SLC38A1: variants seen among roughly 807,000 people sequenced by gnomAD.
SLC38A1 encodes the protein solute carrier family 38 member 1.
In SLC38A1, 18 loss-of-function variants were observed where a neutral mutation model predicts 60.3. The ratio of observed to expected loss-of-function variants is 0.30; its 90% CI spans 0.21 to 0.44. The LOEUF is 0.44. Ranked by LOEUF, SLC38A1 falls within the 20% of genes least tolerant of loss-of-function variation. SLC38A1 has a pLI of 1.00. For synonymous variants in SLC38A1, 196 were observed against 212.1 expected (o/e 0.92, Z 0.66); for missense variants, 448 against 587.2 (o/e 0.76, Z 2.45).
rs538108667 is a variant in SLC38A1 at position 46,241,766 on chromosome 12, A to G, written c.-94+1434T>C. ...GGCCCTCTTTGATGAAAGCTGTCCA[A>G]ATGGGCTAGACTGGGTAATTTCTAA... is the stretch of plus-strand genomic sequence containing the variant. On this transcript the variant is annotated intron_variant, in intron 2 of 16. Coordinates refer to ENST00000398637, the MANE Select transcript of SLC38A1 (RefSeq NM_030674.4). 2.6e-5 allele frequency among the ~76,000 whole-genome samples: 4 copies of G among 152,310 alleles called. No individual in the cohort carries two copies. The East Asian group carries it at 7.7e-4, about 29-fold the overall frequency.
Position 46,184,589 on chromosome 12 carries a change from A to T in SLC38A1, c.*4381T>A, listed in dbSNP as rs1462315689. The T allele has an allele frequency of 6.6e-6, 1 of 152,134 alleles. No individual in the cohort carries two copies. The highest frequency in any genetic ancestry group is 1.5e-5 in the Non-Finnish European group (1 of 68,010). 9.4% of individuals were successfully genotyped at this position (152,134 alleles called of 1,614,324 possible). ...GTGCCATAGTCCAACACTGTGCCTC[A>T]CTGAATTGGAACTCAGTATTTCATT... is the stretch of plus-strand genomic sequence containing the variant. On this transcript the variant is annotated 3_prime_UTR_variant, in exon 17 of 17. Coordinates refer to ENST00000398637, the MANE Select transcript of SLC38A1 (RefSeq NM_030674.4).
Position 46,197,847 on chromosome 12 carries a change from G to A in SLC38A1, c.1265-30C>T, listed in dbSNP as rs115280791. On this transcript the variant is annotated intron_variant, in intron 15 of 16. Transcript: ENST00000398637. ...AAAATAAGACAAAAGAGAAAGTTTA[G>A]CATTGCTATTGTGAAAATTTCCCTG... The A allele has an allele frequency of 4.4e-4, 704 of 1,600,276 alleles. 1 individual carries two copies. In the African/African-American group the frequency reaches 8.3e-3, roughly 19 times the overall value.
chr12:46,194,006 T>C (rs1939259518), intron 16 of SLC38A1, among the ~76,000 whole-genome samples: 1 of 152,236 alleles, frequency 6.6e-6, no homozygotes, highest in Non-Finnish European at 1.5e-5. Flanking sequence ...TGCTCGTTAA[T>C]TGATGCAGTT....
chr12:46,247,377 A>T (rs1242385812), intron 1 of SLC38A1, among the ~76,000 whole-genome samples: 1 of 152,226 alleles, frequency 6.6e-6, no homozygotes, highest in Non-Finnish European at 1.5e-5. Flanking sequence ...CACGAGAACT[A>T]TGTGATGTAT....
intron 5 of SLC38A1, among the ~76,000 whole-genome samples, chr12:46,215,848 C>G (rs1940388745): frequency 6.6e-6 from 1 of 152,148 alleles, no homozygotes; most frequent in African/African-American, 2.4e-5. Context: ...CATATAAAAA[C>G]TCCTTGAGCT....
intron 5 of SLC38A1, among the ~76,000 whole-genome samples, chr12:46,223,995 G>A (rs1357140138): frequency 6.6e-6 from 1 of 152,130 alleles, no homozygotes; most frequent in Non-Finnish European, 1.5e-5. Flanking sequence ...TTCAGAAAAT[G>A]TAACAAAATG....
rs1942453358 is a variant in SLC38A1, at chr12:46,268,868, G to C, written c.-551C>G. 1 of 455,494 alleles carries C rather than the reference G, an allele frequency of 2.2e-6. No homozygotes were observed. The highest frequency in any genetic ancestry group is 4.4e-6 in the Non-Finnish European group (1 of 226,284). 28.2% of individuals were successfully genotyped at this position (455,494 alleles called of 1,614,324 possible). A position where few individuals can be genotyped will look rare whatever the true frequency, so the allele number is the denominator to read the frequency against. On this transcript the variant is annotated 5_prime_UTR_variant, in exon 1 of 17. Coordinates refer to ENST00000398637, the MANE Select transcript of SLC38A1 (RefSeq NM_030674.4). The surrounding 1 kb of genome is among the most constrained non-coding windows in gnomAD (Gnocchi z 4.4). ...TGCTCGCCGGCCTCGCACTTACATC[G>C]ACATGCACCGGCGCTGAGGGTCACG...
chr12:46,210,987 T>G (rs761131474), intron 5 of SLC38A1, among the ~76,000 whole-genome samples: 3 of 152,146 alleles, frequency 2.0e-5, no homozygotes, highest in Non-Finnish European at 2.9e-5. Flanking sequence ...ACCCAGTAGT[T>G]CTGAGATACG....
chr12:46,252,422 C>T (rs1941879876), intron 1 of SLC38A1, among the ~76,000 whole-genome samples: 1 of 151,998 alleles, frequency 6.6e-6, no homozygotes, highest in Non-Finnish European at 1.5e-5. Flanking sequence ...ACCAACATGG[C>T]ACATGTATAT....
At chr12:46,252,664 T>A (rs1433369186) in intron 1 of SLC38A1, among the ~76,000 whole-genome samples, 2 of 151,822 alleles carry the variant, frequency 1.3e-5, no homozygotes, top group African/African-American at 4.8e-5. Context: ...TCACCTGTTA[T>A]CTCAGCAAGC....
chr12:46,208,967 G>A (rs1940029568), intron 6 of SLC38A1, 87 bp downstream of exon 6: 3 of 918,510 alleles, frequency 3.3e-6, no homozygotes, highest in Admixed American at 2.1e-5. Context: ...TCAAATTGCT[G>A]TACAGAGAGA....
intron 16 of SLC38A1, among the ~76,000 whole-genome samples, chr12:46,192,431 G>C (rs867367330): frequency 1.3e-5 from 2 of 152,156 alleles, no homozygotes; most frequent in African/African-American, 4.8e-5. Context: ...TTGATAACAG[G>C]ATGAGCTAGC....
intron 3 of SLC38A1, among the ~76,000 whole-genome samples, chr12:46,233,937 C>G (rs1192017633): frequency 6.6e-6 from 1 of 152,194 alleles, no homozygotes; most frequent in Admixed American, 6.5e-5. Flanking sequence ...TCTTAGCTCC[C>G]CCTGCTCCTC....
intron 5 of SLC38A1, among the ~76,000 whole-genome samples, chr12:46,222,620 A>C (rs1037106045): frequency 1.2e-4 from 18 of 152,272 alleles, no homozygotes; most frequent in African/African-American, 3.9e-4. Flanking sequence ...TATTTTATGA[A>C]AGTACCATGG....
intron 3 of SLC38A1, among the ~76,000 whole-genome samples, chr12:46,230,253 A>G (rs1941022398): frequency 1.3e-5 from 2 of 152,236 alleles, no homozygotes; most frequent in Admixed American, 1.3e-4. Flanking sequence ...AGTCACTGGA[A>G]CAGGCACTGG....
chr12:46,246,030 C>T (rs369358993), intron 1 of SLC38A1, among the ~76,000 whole-genome samples: 22 of 152,140 alleles, frequency 1.4e-4, no homozygotes, highest in African/African-American at 3.9e-4. Context: ...ATCTCTGTCA[C>T]GGTCCGTTCA....
intron 1 of SLC38A1, among the ~76,000 whole-genome samples, chr12:46,256,131 A>T (rs536614288): frequency 6.8e-6 from 1 of 146,344 alleles, no homozygotes; most frequent in Non-Finnish European, 1.5e-5. Context: ...ACGCCACTGC[A>T]CTCCAGCCTG....
At chr12:46,230,084 C>A (rs1278751678) in intron 3 of SLC38A1, among the ~76,000 whole-genome samples, 2 of 152,118 alleles carry the variant, frequency 1.3e-5, no homozygotes, top group African/African-American at 4.8e-5. Context: ...AATATCAAGA[C>A]TACTATAAAC....
chr12:46,204,194 G>A (rs1939787491), intron 11 of SLC38A1, 107 bp downstream of exon 11: 1 of 747,780 alleles, frequency 1.3e-6, no homozygotes, highest in African/African-American at 1.7e-5. Flanking sequence ...GGTATCATGT[G>A]TTCTTTTGAG....
Sources: gnomAD v4.1 joint callset for allele counts (sites outside exome capture counted in the v4.1 genomes callset) on GRCh38, gnomAD v4.1.1 for gene constraint, Gnocchi (gnomAD v3.1) non-coding constraint, MANE v1.5 for transcripts, NCBI Gene and HGNC (gene_info 2026-07-23, HGNC 2026-07-21) for gene names.